The following RPUSD2 variants were observed in gnomAD, a reference collection of about 807,000 sequenced individuals.
The protein encoded by RPUSD2 is pseudouridylate synthase RPUSD2.
RPUSD2 carries 31 observed loss-of-function variants against 41.5 expected under a neutral mutation model. The observed-to-expected ratio is 0.75, with a 90% CI of 0.56 to 1.01. The LOEUF is 1.01. RPUSD2 is among the 50% of genes least tolerant of loss of function. RPUSD2 has a pLI of 0.00. For missense variants in RPUSD2, 749 were observed against 724.7 expected (o/e 1.03, Z -0.38); for synonymous variants, 305 against 289.7 (o/e 1.05, Z -0.54).
intron 2 of RPUSD2, 125 bp downstream of exon 2, chr15:40,572,025 C>T (rs1168436710): frequency 9.8e-7 from 1 of 1,016,830 alleles, no homozygotes; most frequent in Non-Finnish European, 1.4e-6. Flanking sequence ...TACCTTCCTA[C>T]CTTAAGGCAG....
intron 2 of RPUSD2, among the ~76,000 whole-genome samples, chr15:40,573,020 C>CTTTTTTTTTTTT (rs398026953): frequency 2.9e-4 from 28 of 96,780 alleles, no homozygotes; most frequent in East Asian, 5.4e-4. Context: ...CTTTTCTTTT[C>CTTTTTTTTTTTT]TTTTTTTTTT....
In RPUSD2 at chr15:40,571,749, A is replaced by G. The variant is rs1352809541; in HGVS notation, c.752A>G (p.His251Arg). 6.2e-7 allele frequency: 1 copy of G among 1,614,256 alleles called. No individual in the cohort carries two copies. ...IPVHPCGRFR[H>R]NTVIFILGKE... ...GTTCACCCCTGTGGCCGCTTCCGACACAACACAGTTATCTTCATCCTAGGC... is the reference window on the plus strand; with the variant it reads ...GTTCACCCCTGTGGCCGCTTCCGACGCAACACAGTTATCTTCATCCTAGGC... Residue 251 changes from histidine (H) to arginine (R), a missense_variant, in exon 2 of 3, where the codon CAC becomes CGC. Coordinates refer to ENST00000315616, the MANE Select transcript of RPUSD2 (RefSeq NM_152260.3).
rs1566990671 is a variant in RPUSD2 at position 40,574,117 on chromosome 15, C to G, written c.1494C>G (p.Leu498=). 1.2e-6 allele frequency: 2 copies of G among 1,614,216 alleles called. No homozygotes were observed. Among genetic ancestry groups the G allele is most frequent in the East Asian group, 4.5e-5 (2 of 44,882 alleles). ...TCATGAATCAAGAGACAGACCCACTCTGTGCAGAGTGCCGGCTGGTGCGAC... is the reference window on the plus strand; with the variant it reads ...TCATGAATCAAGAGACAGACCCACTGTGTGCAGAGTGCCGGCTGGTGCGAC... ...TDVMNQETDP[L]CAECRLVRQD... is the part of the protein sequence containing the mutation. Residue 498 remains leucine, a synonymous_variant, in exon 3 of 3, where the codon CTC becomes CTG. Coordinates refer to ENST00000315616, the MANE Select transcript of RPUSD2 (RefSeq NM_152260.3).
chr15:40,569,547 GC>G lies in RPUSD2; in HGVS notation c.215del (p.Pro72ArgfsTer13). ...GDAKVELSPG[P>X]PKPAGREVEP... ...ACGCGAAGGTTGAGCTGTCCCCCGG[GC>G]CCCCGAAGCCGGCTGGCCGGGAAGT... On this transcript the variant is annotated frameshift_variant, in exon 1 of 3. Coordinates refer to ENST00000315616, the MANE Select transcript of RPUSD2 (RefSeq NM_152260.3). LOFTEE classifies it high-confidence loss of function. 1 of 1,534,090 alleles carries G rather than the reference GC, an allele frequency of 6.5e-7. No homozygotes were observed.
chr15:40,573,875 G>C lies in RPUSD2; in HGVS notation c.1252G>C (p.Glu418Gln). The C allele has an allele frequency of 1.9e-6, 3 of 1,614,182 alleles. No homozygotes were observed. Among genetic ancestry groups the C allele is most frequent in the Non-Finnish European group, 2.5e-6 (3 of 1,180,026 alleles). ...NEELLRDLVA[E>Q]HQAKQSLDVL... ...GGAGTTGCTACGGGACCTGGTAGCA[G>C]AGCACCAGGCCAAACAGAGCCTGGA... is the stretch of plus-strand genomic sequence containing the variant. The change falls in exon 3 of 3, where the codon GAG becomes CAG. Residue 418 changes from glutamate (E) to glutamine (Q), a missense_variant. Transcript: ENST00000315616.
intron 2 of RPUSD2, among the ~76,000 whole-genome samples, chr15:40,573,028 T>C (rs1891175531): frequency 7.1e-6 from 1 of 140,684 alleles, no homozygotes; most frequent in South Asian, 2.4e-4. Context: ...TTCTTTTTTT[T>C]TTTTTTTTTT....
chr15:40,573,020 CTTTTT>C (rs398026953), intron 2 of RPUSD2, among the ~76,000 whole-genome samples: 43 of 96,756 alleles, frequency 4.4e-4, no homozygotes, highest in African/African-American at 1.6e-3. Context: ...CTTTTCTTTT[CTTTTT>C]TTTTTTTTTT....
chr15:40,570,117 G>T, intron 1 of RPUSD2, 174 bp downstream of exon 1: 2 of 865,160 alleles, frequency 2.3e-6, no homozygotes, highest in East Asian at 5.7e-5. Context: ...TCCCACCTCC[G>T]CAAGTGGCCA....
At chr15:40,573,470 T>C (rs1891183148) in intron 2 of RPUSD2, 57 bp from the exon 3 acceptor site, 2 of 1,555,524 alleles carry the variant, frequency 1.3e-6, no homozygotes, top group East Asian at 2.2e-5. Context: ...CACAAAGAGT[T>C]TGGACTCCAT....
Position 40,573,900 on chromosome 15 carries a change from A to T in RPUSD2, c.1277A>T (p.Asp426Val). 6.2e-7 allele frequency: 1 copy of T among 1,614,092 alleles called. No individual in the cohort carries two copies. Among genetic ancestry groups the T allele is most frequent in the African/African-American group, 1.3e-5 (1 of 75,018 alleles). ...VAEHQAKQSL[D>V]VLDLCEGDLS... ...GAGCACCAGGCCAAACAGAGCCTGG[A>T]TGTGCTAGATCTCTGTGAGGGTGAC... The change falls in exon 3 of 3, where the codon GAT becomes GTT. Residue 426 changes from aspartate (D) to valine (V), a missense_variant. Coordinates refer to ENST00000315616, the MANE Select transcript of RPUSD2 (RefSeq NM_152260.3).
Position 40,569,479 on chromosome 15 carries a change from G to T in RPUSD2, c.142G>T (p.Gly48Trp). The change falls in exon 1 of 3, where the codon GGG becomes TGG. Residue 48 changes from glycine (G) to tryptophan (W), a missense_variant. By Grantham distance (184) the Gly-to-Trp change is radical. Coordinates refer to ENST00000315616, the MANE Select transcript of RPUSD2 (RefSeq NM_152260.3). ...GTCTACCCAGGTTGGGACAGAGGGC[G>T]GGCTGAGGGCTTCGCATCAGCAAAA... is the stretch of plus-strand genomic sequence containing the variant. Reference protein sequence around the residue: ...TVSTQVGTEGGLRASHQQNGD... With the variant: ...TVSTQVGTEGWLRASHQQNGD... 1 of 1,566,918 alleles carries T rather than the reference G, an allele frequency of 6.4e-7. No homozygotes were observed. The highest frequency in any genetic ancestry group is 1.2e-5 in the South Asian group (1 of 83,164).
chr15:40,573,401 C>T, intron 2 of RPUSD2, 126 bp from the exon 3 acceptor site: 1 of 1,052,396 alleles, frequency 9.5e-7, no homozygotes, highest in East Asian at 2.4e-5. Flanking sequence ...CCCAAGATCG[C>T]AAAACTGGCG....
chr15:40,570,478 A>G (rs1891113710), intron 1 of RPUSD2, among the ~76,000 whole-genome samples: 1 of 152,230 alleles, frequency 6.6e-6, no homozygotes, highest in African/African-American at 2.4e-5. Context: ...CTATGTTCCT[A>G]TAACTACTAC....
intron 2 of RPUSD2, 58 bp downstream of exon 2, chr15:40,571,958 CA>C: frequency 6.5e-7 from 1 of 1,536,632 alleles, no homozygotes; most frequent in South Asian, 1.2e-5. Context: ...TGCTCTGTGT[CA>C]AAAGGGCATC....
chr15:40,573,111 G>A (rs1351753413), intron 2 of RPUSD2, among the ~76,000 whole-genome samples: 1 of 134,432 alleles, frequency 7.4e-6, no homozygotes, highest in Non-Finnish European at 1.5e-5. Flanking sequence ...TGCAACCTCC[G>A]CCTCCTGGGT....
intron 2 of RPUSD2, among the ~76,000 whole-genome samples, chr15:40,573,152 G>A (rs1306132159): frequency 6.7e-6 from 1 of 149,990 alleles, no homozygotes; most frequent in Non-Finnish European, 1.5e-5. Flanking sequence ...AGCCTCCCAG[G>A]TAGCTGGGAT....
At chr15:40,571,952 C>T (rs530265623) in intron 2 of RPUSD2, 52 bp downstream of exon 2, 23 of 1,568,664 alleles carry the variant, frequency 1.5e-5, no homozygotes, top group Non-Finnish European at 1.8e-5. Flanking sequence ...CACGAATGCT[C>T]TGTGTCAAAA....
At chr15:40,570,975 A>C (rs1208939362) in intron 1 of RPUSD2, among the ~76,000 whole-genome samples, 2 of 152,126 alleles carry the variant, frequency 1.3e-5, no homozygotes, top group East Asian at 3.8e-4. Flanking sequence ...CTCCATTAAA[A>C]AAATTTTACC....
rs1363250912 is a variant in RPUSD2, at chr15:40,571,801, C to G, written c.804C>G (p.His268Gln). Residue 268 changes from histidine (H) to glutamine (Q), a missense_variant, in exon 2 of 3, where the codon CAC becomes CAG. Transcript: ENST00000315616. ...AGGAGCACCAACTCAAGGAGCTACA[C>G]CCCTTGCATCGGCTTGACCGCCTTA... ...LGKEHQLKEL[H>Q]PLHRLDRLTS... The G allele has an allele frequency of 6.2e-7, 1 of 1,614,272 alleles. No individual in the cohort carries two copies. Among genetic ancestry groups the G allele is most frequent in the Middle Eastern group, 1.6e-4 (1 of 6,062 alleles).
Sources: gnomAD v4.1 joint callset for allele counts (sites outside exome capture counted in the v4.1 genomes callset) on GRCh38, gnomAD v4.1.1 for gene constraint, MANE v1.5 for transcripts, NCBI Gene and HGNC (gene_info 2026-07-23, HGNC 2026-07-21) for gene names.